The following HCRTR2 variants were observed in gnomAD, a reference collection of about 807,000 sequenced individuals.
HCRTR2 encodes orexin receptor type 2.
HCRTR2 carries 22 observed loss-of-function variants against 49.0 expected under a neutral mutation model. The ratio of observed to expected loss-of-function variants is 0.45; its 90% CI spans 0.32 to 0.64. The LOEUF (loss-of-function observed/expected upper bound fraction) is 0.64. Among genes scored for constraint, HCRTR2 ranks in the 30% least tolerant of loss-of-function variants. The probability of loss-of-function intolerance (pLI) is 0.04; values close to 1 mark genes in which losing one functional copy is unlikely to be tolerated. For synonymous variants in HCRTR2, 236 were observed against 205.3 expected, an observed-to-expected ratio of 1.15 and a Z score of -1.28; for missense variants, 491 against 559.4, an observed-to-expected ratio of 0.88 and a Z score of 1.23.
chr6:55,201,007 C>T (rs1342129691), intron 1 of HCRTR2, among the ~76,000 whole-genome samples: 2 of 151,890 alleles, frequency 1.3e-5, no homozygotes, highest in South Asian at 2.1e-4. Context: ...AGAATCATAT[C>T]GCCTCTGCTT....
chr6:55,205,771 G>A (rs990528736), intron 1 of HCRTR2, among the ~76,000 whole-genome samples: 1 of 152,004 alleles, frequency 6.6e-6, no homozygotes, highest in Non-Finnish European at 1.5e-5. Flanking sequence ...TTTTAGACGG[G>A]ATTGGAGAAA....
intron 4 of HCRTR2, among the ~76,000 whole-genome samples, 199 bp from the exon 5 acceptor site, chr6:55,277,181 A>C (rs1010596455): frequency 1.3e-5 from 2 of 152,034 alleles, no homozygotes. Flanking sequence ...TTTTTTCCAC[A>C]CAAACTCCTA....
At chr6:55,281,863 A>G (rs1562033193) in intron 6 of HCRTR2, among the ~76,000 whole-genome samples, 2 of 152,130 alleles carry the variant, frequency 1.3e-5, no homozygotes, top group African/African-American at 2.4e-5. Flanking sequence ...CATAAGTTTC[A>G]TTGTGTTTAA....
chr6:55,116,272 GTA>G (rs2127612173), intron 1 of HCRTR2, among the ~76,000 whole-genome samples: 1 of 151,796 alleles, frequency 6.6e-6, no homozygotes, highest in South Asian at 2.1e-4. Flanking sequence ...TTACTGGCAT[GTA>G]TGAGACTTAA....
chr6:55,274,601 G>C (rs1201690537), intron 4 of HCRTR2, among the ~76,000 whole-genome samples: 1 of 151,448 alleles, frequency 6.6e-6, no homozygotes, highest in Non-Finnish European at 1.5e-5. Context: ...TTCTTGTATT[G>C]GCTCAAAGTC....
intron 1 of HCRTR2, among the ~76,000 whole-genome samples, chr6:55,146,995 G>C (rs533531698): frequency 6.6e-6 from 1 of 152,254 alleles, no homozygotes; most frequent in Admixed American, 6.5e-5. Flanking sequence ...ATTGGTATGG[G>C]ATGCTACCTA....
rs56655240 is a variant in HCRTR2, at chr6:55,165,744, A to AATATATAT, written c.-377-8429_-377-8422dup. 8.5e-3 allele frequency among the ~76,000 whole-genome samples: 1,081 copies of AATATATAT among 127,508 alleles called. 20 individuals are homozygous for AATATATAT. The highest frequency in any genetic ancestry group is 0.027 in the East Asian group (86 of 3,212). 83.7% of individuals were successfully genotyped at this position (127,508 alleles called of 152,430 possible). A position where few individuals can be genotyped will look rare whatever the true frequency, so the allele number is the denominator to read the frequency against. ...TATTTGTTAAGGGATTAGTATACAG[A>AATATATAT]ATATATATATATATATATATATATA... On this transcript the variant is annotated intron_variant, in intron 1 of 7. Transcript: ENST00000615358.
intron 1 of HCRTR2, among the ~76,000 whole-genome samples, chr6:55,208,261 G>T (rs1415673619): frequency 6.6e-6 from 1 of 151,376 alleles, no homozygotes; most frequent in African/African-American, 2.4e-5. Context: ...GATCACTTGA[G>T]GTCAGGAGTT....
chr6:55,242,788 A>G (rs1257574772), intron 1 of HCRTR2, among the ~76,000 whole-genome samples: 1 of 152,224 alleles, frequency 6.6e-6, no homozygotes, highest in Non-Finnish European at 1.5e-5. Context: ...AATTTTGCTC[A>G]TATACAATCT....
chr6:55,236,703 TC>T (rs1187011629), intron 1 of HCRTR2, among the ~76,000 whole-genome samples: 6 of 152,130 alleles, frequency 3.9e-5, no homozygotes, highest in Non-Finnish European at 7.4e-5. Flanking sequence ...TGCATTTTTT[TC>T]TTCCTGCTTT....
Position 55,203,378 on chromosome 6 carries a change from C to A in HCRTR2, c.223+28568C>A, listed in dbSNP as rs181851525. 6.6e-5 allele frequency among the ~76,000 whole-genome samples: 10 copies of A among 152,144 alleles called. No individual in the cohort carries two copies. The East Asian group carries it at 1.9e-3, about 29-fold the overall frequency. ...CTTGGGGTTTTAGTTTATTTGCTTT[C>A]TATCTTTTTTATACTGTCGGCCTAC... is the stretch of plus-strand genomic sequence containing the variant. On this transcript the variant is annotated intron_variant, in intron 1 of 6. Coordinates refer to ENST00000370862, the MANE Select transcript of HCRTR2 (RefSeq NM_001384272.1).
At chr6:55,279,457 A>G (rs748965671) in intron 5 of HCRTR2, among the ~76,000 whole-genome samples, 2 of 151,584 alleles carry the variant, frequency 1.3e-5, no homozygotes, top group Non-Finnish European at 2.9e-5. Context: ...TACTCTTTAT[A>G]CCAGAAATGG....
chr6:55,263,843 T>C (rs200610908), intron 4 of HCRTR2, 21 bp downstream of exon 4: 1 of 1,323,330 alleles, frequency 7.6e-7, no homozygotes, highest in Non-Finnish European at 1.1e-6. Context: ...TCAAATATTT[T>C]GCGTGCATTA....
chr6:55,117,482 T>C (rs1167594617), intron 1 of HCRTR2, among the ~76,000 whole-genome samples: 2 of 151,722 alleles, frequency 1.3e-5, no homozygotes, highest in African/African-American at 4.8e-5. Context: ...ATATTTTGCA[T>C]TGTGCATACA....
At chr6:55,223,297 C>T (rs1004221445) in intron 1 of HCRTR2, among the ~76,000 whole-genome samples, 2 of 152,120 alleles carry the variant, frequency 1.3e-5, no homozygotes, top group African/African-American at 4.8e-5. Context: ...GACAACAAGC[C>T]ATCTGGTTAC....
chr6:55,173,765 G>A (rs1764985577), upstream of HCRTR2, among the ~76,000 whole-genome samples: 1 of 152,032 alleles, frequency 6.6e-6, no homozygotes, highest in Non-Finnish European at 1.5e-5. Context: ...CTTAACTATC[G>A]CAAATACAAA....
intron 1 of HCRTR2, among the ~76,000 whole-genome samples, chr6:55,156,786 A>G (rs1238581996): frequency 2.0e-5 from 3 of 152,188 alleles, no homozygotes; most frequent in South Asian, 2.1e-4. Flanking sequence ...TAGTAATTAA[A>G]AAAACATAAT....
At chr6:55,166,700 G>T (rs994775574) in intron 1 of HCRTR2, among the ~76,000 whole-genome samples, 11 of 152,096 alleles carry the variant, frequency 7.2e-5, no homozygotes, top group Non-Finnish European at 1.5e-4. Context: ...CAACTCCCAG[G>T]CATGCACCCA....
rs137957802 is a variant in HCRTR2, at chr6:55,260,129, C to T, written c.647-3578C>T. Among the ~76,000 whole-genome samples the T allele has an allele frequency of 1.1e-3, 169 of 152,232 alleles. 1 individual carries two copies. Among genetic ancestry groups the T allele is most frequent in the African/African-American group, 3.7e-3 (154 of 41,550 alleles). On this transcript the variant is annotated intron_variant, in intron 3 of 6. Coordinates refer to ENST00000370862, the MANE Select transcript of HCRTR2 (RefSeq NM_001384272.1). ...AGCTTTTGCTACCATCTATTCAAAA[C>T]GCCAAACTGTTATCACAGTGATGCT...
Sources: gnomAD v4.1 joint callset for allele counts (sites outside exome capture counted in the v4.1 genomes callset) on GRCh38, gnomAD v4.1.1 for gene constraint, MANE v1.5 for transcripts, NCBI Gene and HGNC (gene_info 2026-07-23, HGNC 2026-07-21) for gene names.